Variants in STIM1 observed in about 807,000 individuals in gnomAD.
The protein encoded by STIM1 is stromal interaction molecule 1.
In STIM1, 25 loss-of-function variants were observed where a neutral mutation model predicts 74.7. That is an observed-to-expected ratio of 0.33 (90% confidence interval 0.24 to 0.47). The LOEUF (loss-of-function observed/expected upper bound fraction) is 0.47. Ranked by LOEUF, STIM1 falls within the 20% of genes least tolerant of loss-of-function variation. The pLI is 1.00. For missense variants in STIM1, 728 were observed against 920.8 expected (o/e 0.79, Z 2.71); for synonymous variants, 328 against 348.8 (o/e 0.94, Z 0.66).
chr11:4,025,351 A>G (rs1338390277), intron 3 of STIM1, among the ~76,000 whole-genome samples: 2 of 152,200 alleles, frequency 1.3e-5, no homozygotes, highest in African/African-American at 4.8e-5. Flanking sequence ...TGTTTTATCA[A>G]TGTAGAAGAA....
intron 2 of STIM1, among the ~76,000 whole-genome samples, chr11:3,969,617 TA>T (rs2093372579): frequency 6.6e-6 from 1 of 152,124 alleles, no homozygotes; most frequent in Non-Finnish European, 1.5e-5. Flanking sequence ...GTATAAAAAG[TA>T]AAATTTGGAT....
intron 11 of STIM1, chr11:4,086,217 C>T (rs924392344): frequency 7.0e-5 from 38 of 542,734 alleles, no homozygotes; most frequent in Non-Finnish European, 1.2e-4. Flanking sequence ...AACTGCCTTG[C>T]CACTTCCCTT....
At chr11:4,005,696 T>A (rs1442176101) in intron 2 of STIM1, among the ~76,000 whole-genome samples, 3 of 152,080 alleles carry the variant, frequency 2.0e-5, no homozygotes, top group Non-Finnish European at 4.4e-5. Context: ...AACCGGCACA[T>A]TGTGCACATG....
At chr11:3,894,075 A>C (rs1426448288) in intron 1 of STIM1, among the ~76,000 whole-genome samples, 1 of 152,144 alleles carries the variant, frequency 6.6e-6, no homozygotes, top group African/African-American at 2.4e-5. Flanking sequence ...CGCCAGGCCA[A>C]TTTGAACTAT....
At chr11:3,875,569 T>C (rs2091281097) in intron 1 of STIM1, among the ~76,000 whole-genome samples, 1 of 151,258 alleles carries the variant, frequency 6.6e-6, no homozygotes, top group Non-Finnish European at 1.5e-5. Flanking sequence ...CTACAAAAAA[T>C]ACAAAAAATT....
At position 4,091,978 on chromosome 11, in the gene STIM1, A is replaced by T. The variant is rs2094527950; in HGVS notation, c.*180A>T. ...TTGGGTCCTTCATTATTATTTATTA[A>T]CTGACCACCATGGCCTGCCTGCCCT... On this transcript the variant is annotated 3_prime_UTR_variant, in exon 13 of 13. Transcript: ENST00000526596. 2 of 841,470 alleles carry T rather than the reference A, an allele frequency of 2.4e-6. No homozygotes were observed. Among genetic ancestry groups the T allele is most frequent in the South Asian group, 3.3e-5 (2 of 60,844 alleles). The allele number at this position is 841,470 out of a possible 1,614,324, so 52.1% of individuals were successfully genotyped here.
In STIM1 at chr11:4,023,941, G is replaced by A. The variant is rs777644508; in HGVS notation, c.339G>A (p.Lys113=). The A allele has an allele frequency of 1.2e-6, 2 of 1,614,084 alleles. No individual in the cohort carries two copies. Among genetic ancestry groups the A allele is most frequent in the Non-Finnish European group, 1.7e-6 (2 of 1,179,982 alleles). ...ACAGCACCTTCCATGGTGAGGATAAGCTCATCAGCGTGGAGGACCTGTGGA... is the reference window on the plus strand; with the variant it reads ...ACAGCACCTTCCATGGTGAGGATAAACTCATCAGCGTGGAGGACCTGTGGA... ...VKHSTFHGED[K]LISVEDLWKA... The change falls in exon 3 of 13, where the codon AAG becomes AAA. Residue 113 remains lysine, a synonymous_variant. Coordinates refer to ENST00000526596, the MANE Select transcript of STIM1 (RefSeq NM_001382567.1).
intron 1 of STIM1, among the ~76,000 whole-genome samples, chr11:3,882,344 C>T (rs979646536): frequency 1.3e-5 from 2 of 152,036 alleles, no homozygotes; most frequent in Admixed American, 1.3e-4. Context: ...GGTGATTCGC[C>T]CACCTCAGCC....
intron 3 of STIM1, among the ~76,000 whole-genome samples, chr11:4,039,753 CTGA>C (rs1160530702): frequency 1.3e-5 from 2 of 151,436 alleles, no homozygotes; most frequent in Non-Finnish European, 2.9e-5. Flanking sequence ...AAATAAAAAT[CTGA>C]TGATATTTTA....
At chr11:3,973,017 T>C in intron 2 of STIM1, 1 of 488,744 alleles carries the variant, frequency 2.0e-6, no homozygotes, top group Non-Finnish European at 4.1e-6. Context: ...TGCTTCTGCC[T>C]CCATCGTTGT....
At chr11:3,962,445 TTGTGTGTGTGTGTG>T (rs139472251) in intron 1 of STIM1, among the ~76,000 whole-genome samples, 2,166 of 147,718 alleles carry the variant, frequency 0.015, 51 homozygotes, top group African/African-American at 0.051. Context: ...CTGAGTAGTA[TTGTGTGTGTGTGTG>T]TGTGTGTGTG....
At chr11:3,865,825 A>T (rs751612340) in intron 1 of STIM1, among the ~76,000 whole-genome samples, 2 of 152,152 alleles carry the variant, frequency 1.3e-5, no homozygotes, top group Non-Finnish European at 2.9e-5. Flanking sequence ...TGCCAAGGGG[A>T]GGTTCTCTGG....
At chr11:3,945,910 A>T (rs752096099) in intron 1 of STIM1, among the ~76,000 whole-genome samples, 24 of 152,282 alleles carry the variant, frequency 1.6e-4, no homozygotes, top group Non-Finnish European at 2.9e-4. Context: ...GCAGACACTT[A>T]ACATGGTAAA....
At position 3,881,348 on chromosome 11, in the gene STIM1, A is replaced by G. The variant is rs540399910; in HGVS notation, c.139+24939A>G. 1.2e-4 allele frequency among the ~76,000 whole-genome samples: 18 copies of G among 152,052 alleles called. 1 individual carries two copies. The highest frequency in any genetic ancestry group is 3.4e-3 in the Middle Eastern group (1 of 294). On this transcript the variant is annotated intron_variant, in intron 1 of 12. Coordinates refer to ENST00000526596, the MANE Select transcript of STIM1 (RefSeq NM_001382567.1). ...TCATATAAATGGAATCATATGATCT[A>G]TTGATCATATGATTATTTTATTTTA...
chr11:3,990,156 G>C (rs1403341100), intron 2 of STIM1, among the ~76,000 whole-genome samples: 1 of 152,158 alleles, frequency 6.6e-6, no homozygotes, highest in Non-Finnish European at 1.5e-5. Context: ...TATGTGGTCT[G>C]TTGTAACTAG....
intron 2 of STIM1, among the ~76,000 whole-genome samples, chr11:3,984,996 A>G (rs1053726371): frequency 6.6e-6 from 1 of 152,174 alleles, no homozygotes; most frequent in African/African-American, 2.4e-5. Context: ...GCCAGCACGC[A>G]GGCAAGGGTA....
chr11:4,055,257 A>C (rs2094279304), intron 3 of STIM1, among the ~76,000 whole-genome samples: 1 of 152,130 alleles, frequency 6.6e-6, no homozygotes, highest in South Asian at 2.1e-4. Context: ...TCACCTTATA[A>C]TGTTGCATTT....
At chr11:4,084,223 T>C (rs7945918) in intron 10 of STIM1, among the ~76,000 whole-genome samples, 2 of 152,136 alleles carry the variant, frequency 1.3e-5, no homozygotes, top group African/African-American at 4.8e-5. Flanking sequence ...TTGGATCAGA[T>C]GCTATTTTAA....
intron 3 of STIM1, among the ~76,000 whole-genome samples, chr11:4,046,816 A>T (rs1405095200): frequency 6.6e-6 from 1 of 151,946 alleles, no homozygotes; most frequent in East Asian, 1.9e-4. Flanking sequence ...GGCCTGGCTA[A>T]TTTTTTTATT....
Sources: gnomAD v4.1 joint callset for allele counts (sites outside exome capture counted in the v4.1 genomes callset) on GRCh38, gnomAD v4.1.1 for gene constraint, MANE v1.5 for transcripts, NCBI Gene and HGNC (gene_info 2026-07-23, HGNC 2026-07-21) for gene names.